The following ARMC2 variants were observed in gnomAD, a reference collection of about 807,000 sequenced individuals.
ARMC2 encodes armadillo repeat-containing protein 2.
A neutral mutation model predicts 90.3 loss-of-function variants in ARMC2; 67 were observed. The observed-to-expected ratio is 0.74, with a 90% CI of 0.61 to 0.91. The LOEUF (loss-of-function observed/expected upper bound fraction) is 0.91, where lower values mean the gene tolerates loss of function less well. Ranked by LOEUF, ARMC2 falls within the 40% of genes least tolerant of loss-of-function variation. The pLI, the probability that ARMC2 is intolerant of heterozygous loss-of-function variation, is 0.00. For missense variants in ARMC2, 920 were observed against 1,030.9 expected, an observed-to-expected ratio of 0.89 and a Z score of 1.47; for synonymous variants, 393 against 393.0, an observed-to-expected ratio of 1.00 and a Z score of 0.00.
the ARMC2 span, chr6:109,009,025 T>G: frequency 2.0e-6 from 2 of 1,011,100 alleles, no homozygotes; most frequent in South Asian, 9.2e-5. Flanking sequence ...TTCTGACTTG[T>G]GGAGACTTGT....
the ARMC2 span, among the ~76,000 whole-genome samples, chr6:108,991,865 T>C: frequency 6.6e-6 from 1 of 152,218 alleles, no homozygotes; most frequent in Non-Finnish European, 1.5e-5. Flanking sequence ...ATCTTTAGCT[T>C]GAAGCTCTCA....
At chr6:108,997,166 A>G in the ARMC2 span, among the ~76,000 whole-genome samples, 14 of 152,238 alleles carry the variant, frequency 9.2e-5, no homozygotes, top group Non-Finnish European at 1.3e-4. Flanking sequence ...AAACCTTCTA[A>G]AAGTATCCAA....
chr6:108,956,585 C>T (rs1375967496), intron 13 of ARMC2, among the ~76,000 whole-genome samples: 1 of 151,392 alleles, frequency 6.6e-6, no homozygotes, highest in Non-Finnish European at 1.5e-5. Flanking sequence ...CCTGTGATCT[C>T]AGCTACTCAG....
chr6:108,884,028 T>A (rs1473857067), intron 5 of ARMC2, among the ~76,000 whole-genome samples: 1 of 152,200 alleles, frequency 6.6e-6, no homozygotes, highest in Non-Finnish European at 1.5e-5. Flanking sequence ...AATATATCAT[T>A]TTTTCAAAAA....
chr6:108,928,351 C>A, intron 11 of ARMC2, 118 bp downstream of exon 11: 1 of 1,123,822 alleles, frequency 8.9e-7, no homozygotes, highest in Non-Finnish European at 1.2e-6. Flanking sequence ...TTTACTTCGC[C>A]TACCAGAAAG....
chr6:108,852,272 A>T (rs1373987549), intron 1 of ARMC2, among the ~76,000 whole-genome samples: 1 of 152,182 alleles, frequency 6.6e-6, no homozygotes. Context: ...TATTTCCATG[A>T]TTGATTTAGT....
At chr6:109,051,786 G>A in the ARMC2 span, among the ~76,000 whole-genome samples, 1 of 152,214 alleles carries the variant, frequency 6.6e-6, no homozygotes, top group Non-Finnish European at 1.5e-5. Flanking sequence ...CCAGGGTCAA[G>A]ATGCTGGCAT....
At chr6:108,963,726 T>A (rs892685989) in intron 15 of ARMC2, among the ~76,000 whole-genome samples, 1 of 152,184 alleles carries the variant, frequency 6.6e-6, no homozygotes, top group Admixed American at 6.5e-5. Flanking sequence ...CCAGGTTGGT[T>A]TTTAGCAGTC....
chr6:108,960,517 G>A (rs1002692129), intron 13 of ARMC2, among the ~76,000 whole-genome samples: 4 of 152,224 alleles, frequency 2.6e-5, no homozygotes, highest in African/African-American at 9.6e-5. Flanking sequence ...TAGAAGCTGG[G>A]AATGCAGCCA....
the ARMC2 span, among the ~76,000 whole-genome samples, chr6:108,993,490 GA>G: frequency 2.0e-5 from 3 of 151,812 alleles, no homozygotes; most frequent in South Asian, 4.2e-4. Context: ...TTTCCTGGAA[GA>G]AAAAAAAGTG....
chr6:108,880,691 CCTTT>C lies in ARMC2; in HGVS notation c.671+4346_671+4349del, dbSNP rs760940571. Among the ~76,000 whole-genome samples, 7 of 151,826 alleles carry C rather than the reference CCTTT, an allele frequency of 4.6e-5. No homozygotes were observed. The East Asian group carries it at 7.7e-4, about 17-fold the overall frequency. On this transcript the variant is annotated intron_variant, in intron 5 of 17. Transcript: ENST00000392644. ...TGTTCCTTTTTCTTTCTCCTTCCTTCCTTTCTTTTTCTTCTCTCCTTCCTTCCTT... is the reference window on the plus strand; with the variant it reads ...TGTTCCTTTTTCTTTCTCCTTCCTTCCTTTTTCTTCTCTCCTTCCTTCCTT...
the ARMC2 span, among the ~76,000 whole-genome samples, chr6:109,005,189 G>GT: frequency 1.3e-5 from 2 of 152,290 alleles, no homozygotes; most frequent in Non-Finnish European, 1.5e-5. Context: ...ATAGAAGGCT[G>GT]TTTCAATAAA....
chr6:109,007,628 G>A, the ARMC2 span, among the ~76,000 whole-genome samples: 1 of 148,492 alleles, frequency 6.7e-6, no homozygotes, highest in Non-Finnish European at 1.5e-5. Context: ...ATTGCCTATA[G>A]CTGGGTGCTG....
At chr6:108,922,772 C>T (rs576768481) in intron 10 of ARMC2, among the ~76,000 whole-genome samples, 1 of 152,200 alleles carries the variant, frequency 6.6e-6, no homozygotes, top group African/African-American at 2.4e-5. Flanking sequence ...CTGTTATGAT[C>T]AAATAATTTG....
intron 4 of ARMC2, among the ~76,000 whole-genome samples, chr6:108,869,924 G>T (rs1464775986): frequency 6.6e-6 from 1 of 152,144 alleles, no homozygotes; most frequent in Admixed American, 6.5e-5. Flanking sequence ...AAATGAAGTA[G>T]AATAGAATAT....
chr6:108,967,530 G>A (rs1469463181), intron 17 of ARMC2, among the ~76,000 whole-genome samples: 1 of 152,128 alleles, frequency 6.6e-6, no homozygotes, highest in Non-Finnish European at 1.5e-5. Flanking sequence ...TGGGGGGATT[G>A]GTTTCAGGGC....
intron 3 of ARMC2, among the ~76,000 whole-genome samples, chr6:108,861,283 T>C (rs1322617513): frequency 6.6e-6 from 1 of 150,988 alleles, no homozygotes; most frequent in Non-Finnish European, 1.5e-5. Context: ...TGTGTTTGTA[T>C]GTGTGTGTGC....
At chr6:109,029,125 T>G in the ARMC2 span, among the ~76,000 whole-genome samples, 1 of 152,218 alleles carries the variant, frequency 6.6e-6, no homozygotes, top group Non-Finnish European at 1.5e-5. Context: ...GTGGAAGATT[T>G]GCAATAATGT....
At chr6:108,978,118 T>C (rs1466674737), downstream of ARMC2, among the ~76,000 whole-genome samples, 1 of 152,220 alleles carries the variant, frequency 6.6e-6, no homozygotes, top group Non-Finnish European at 1.5e-5. Context: ...TCTTTCCTGC[T>C]TTCTCTTGTG....
Sources: gnomAD v4.1 joint callset for allele counts (sites outside exome capture counted in the v4.1 genomes callset) on GRCh38, gnomAD v4.1.1 for gene constraint, MANE v1.5 for transcripts, NCBI Gene and HGNC (gene_info 2026-07-23, HGNC 2026-07-21) for gene names.